The following LRRFIP2 variants were observed in gnomAD, a reference collection of about 807,000 sequenced individuals.
The protein encoded by LRRFIP2 is leucine-rich repeat flightless-interacting protein 2.
Under a neutral mutation model 125.9 loss-of-function variants are expected in LRRFIP2, and 109 were observed. The ratio of observed to expected loss-of-function variants is 0.87; its 90% CI spans 0.74 to 1.01. The LOEUF (loss-of-function observed/expected upper bound fraction) is 1.01. Ranked by LOEUF, LRRFIP2 falls within the 50% of genes least tolerant of loss-of-function variation. The pLI is 0.00. For synonymous variants in LRRFIP2, 291 were observed against 293.1 expected (o/e 0.99, Z 0.07); for missense variants, 850 against 862.3 (o/e 0.99, Z 0.18).
At position 37,098,877 on chromosome 3, in the gene LRRFIP2, A is replaced by G. The variant is rs535328468; in HGVS notation, c.874-2217T>C. Among the ~76,000 whole-genome samples, 5 of 152,332 alleles carry G rather than the reference A, an allele frequency of 3.3e-5. No homozygotes were observed. In the East Asian group the frequency reaches 9.6e-4, roughly 29 times the overall value. ...CAACTCTTTTCTGCTAATGTGTTAA[A>G]GAGAAAAGCACACAGCATTCAAAAT... is the stretch of plus-strand genomic sequence containing the variant. On this transcript the variant is annotated intron_variant, in intron 15 of 27. Coordinates refer to ENST00000336686, the MANE Select transcript of LRRFIP2 (RefSeq NM_006309.4).
intron 1 of LRRFIP2, among the ~76,000 whole-genome samples, chr3:37,169,787 A>G (rs2096560561): frequency 1.3e-5 from 2 of 152,218 alleles, no homozygotes; most frequent in Non-Finnish European, 2.9e-5. Flanking sequence ...AAGGAACACT[A>G]AGATATACAG....
rs534759752 is a variant in LRRFIP2, at chr3:37,076,727, G to A, written c.1279-1611C>T. Among the ~76,000 whole-genome samples the A allele has an allele frequency of 4.1e-3, 627 of 151,322 alleles. 3 individuals are homozygous for A. The highest frequency in any genetic ancestry group is 0.014 in the African/African-American group (569 of 41,250). The stretch of plus-strand genomic sequence containing the variant: ...ACTAAAAATACAAAATTAGTCAGGC[G>A]TGGTGGTGCATGCCTGTAATCCCAG... On this transcript the variant is annotated intron_variant, in intron 19 of 27. Coordinates refer to ENST00000336686, the MANE Select transcript of LRRFIP2 (RefSeq NM_006309.4).
At chr3:37,061,727 C>T (rs1022300969) in intron 24 of LRRFIP2, among the ~76,000 whole-genome samples, 1 of 152,110 alleles carries the variant, frequency 6.6e-6, no homozygotes, top group African/African-American at 2.4e-5. Context: ...TCAGGTATTC[C>T]TTTATAGCGA....
Position 37,053,856 on chromosome 3 carries a change from G to A in LRRFIP2, c.2161C>T (p.Gln721Ter). 6.2e-7 allele frequency: 1 copy of A among 1,612,504 alleles called. No homozygotes were observed. Residue 721 changes from glutamine to a stop codon, truncating the protein, a stop_gained, in exon 28 of 28, where the codon CAG (glutamine) becomes TAG (stop). Coordinates refer to ENST00000336686, the MANE Select transcript of LRRFIP2 (RefSeq NM_006309.4). LOFTEE classifies it high-confidence loss of function. ...KANRTALLAQ[Q>*] Reference sequence around the variant, plus strand: ...CAGGTTGAAGGGTGGTTTTCCTACTGCTGGGCCAGAAGTGCTGTCCTATTG... The same window carrying A: ...CAGGTTGAAGGGTGGTTTTCCTACTACTGGGCCAGAAGTGCTGTCCTATTG...
intron 1 of LRRFIP2, among the ~76,000 whole-genome samples, chr3:37,149,267 A>G (rs986480235): frequency 2.0e-5 from 3 of 152,196 alleles, no homozygotes; most frequent in Middle Eastern, 3.2e-3. Context: ...TAGCCTCAGA[A>G]AGCTGCCATC....
intron 23 of LRRFIP2, chr3:37,065,488 CT>C (rs1327985399): frequency 1.5e-5 from 7 of 481,606 alleles, no homozygotes; most frequent in Non-Finnish European, 2.9e-5. Flanking sequence ...TGCTAGCCTA[CT>C]GCTCCCCTAG....
At chr3:37,169,912 T>C (rs575061474) in intron 1 of LRRFIP2, among the ~76,000 whole-genome samples, 1 of 152,346 alleles carries the variant, frequency 6.6e-6, no homozygotes, top group East Asian at 1.9e-4. Context: ...CCCAGCTCTT[T>C]ACCACTTTCT....
In LRRFIP2 at chr3:37,053,859, G is replaced by A. The variant is rs377284992; in HGVS notation, c.2158C>T (p.Gln720Ter). 16 of 1,612,934 alleles carry A rather than the reference G, an allele frequency of 9.9e-6. No homozygotes were observed. Among genetic ancestry groups the A allele is most frequent in the East Asian group, 2.2e-5 (1 of 44,896 alleles). Residue 720 changes from glutamine to a stop codon, truncating the protein, a stop_gained, in exon 28 of 28, where the codon CAG becomes TAG. Transcript: ENST00000336686. LOFTEE classifies it high-confidence loss of function. ...MKANRTALLA[Q>*]Q ...GTTGAAGGGTGGTTTTCCTACTGCT[G>A]GGCCAGAAGTGCTGTCCTATTGGCC...
At chr3:37,150,564 A>C (rs980140541) in intron 1 of LRRFIP2, among the ~76,000 whole-genome samples, 1 of 152,192 alleles carries the variant, frequency 6.6e-6, no homozygotes, top group Non-Finnish European at 1.5e-5. Context: ...GGATTAAATA[A>C]TAAGGATGAA....
intron 6 of LRRFIP2, 37 bp from the exon 7 acceptor site, chr3:37,115,132 C>T (rs1189647797): frequency 1.4e-6 from 2 of 1,469,432 alleles, no homozygotes; most frequent in African/African-American, 1.4e-5. Context: ...GGTTTGTTTC[C>T]AAATTCAGAA....
intron 1 of LRRFIP2, among the ~76,000 whole-genome samples, chr3:37,162,859 T>G (rs916917945): frequency 2.0e-5 from 3 of 152,172 alleles, no homozygotes; most frequent in African/African-American, 7.2e-5. Flanking sequence ...TCATTGGAAT[T>G]TAGTTTGTCT....
At chr3:37,119,599 T>C (rs1303871884) in intron 6 of LRRFIP2, among the ~76,000 whole-genome samples, 1 of 152,238 alleles carries the variant, frequency 6.6e-6, no homozygotes, top group Non-Finnish European at 1.5e-5. Flanking sequence ...TTTCACAGCC[T>C]TTGAGACTTA....
chr3:37,144,558 A>G (rs138476191), intron 2 of LRRFIP2, among the ~76,000 whole-genome samples: 65 of 152,314 alleles, frequency 4.3e-4, no homozygotes, highest in South Asian at 1.7e-3. Flanking sequence ...TGGGCAACCT[A>G]GCAAGACCTC....
chr3:37,134,643 T>C (rs1472441760), intron 2 of LRRFIP2: 2 of 623,894 alleles, frequency 3.2e-6, no homozygotes, highest in Non-Finnish European at 6.2e-6. Context: ...AGGAGCCAGA[T>C]GACAAGCACA....
rs560100642 is a variant in LRRFIP2, at chr3:37,097,093, G to A, written c.874-433C>T. On this transcript the variant is annotated intron_variant, in intron 15 of 27. Coordinates refer to ENST00000336686, the MANE Select transcript of LRRFIP2 (RefSeq NM_006309.4). ...ACACAGATAAAGACTAGTACACTCA[G>A]CCAAAAAAGTTCAGATTAGATTAAA... Among the ~76,000 whole-genome samples, 59 of 151,346 alleles carry A rather than the reference G, an allele frequency of 3.9e-4. 1 individual carries two copies. In the Middle Eastern group the frequency reaches 0.024, roughly 62 times the overall value.
At chr3:37,122,030 T>A (rs2095072254) in intron 4 of LRRFIP2, among the ~76,000 whole-genome samples, 1 of 151,790 alleles carries the variant, frequency 6.6e-6, no homozygotes, top group African/African-American at 2.4e-5. Flanking sequence ...TAACTCATTA[T>A]TTACATTAGG....
At chr3:37,106,043 T>C (rs1187789800) in intron 13 of LRRFIP2, among the ~76,000 whole-genome samples, 1 of 152,092 alleles carries the variant, frequency 6.6e-6, no homozygotes, top group Non-Finnish European at 1.5e-5. Flanking sequence ...CCAGTCTGGG[T>C]GGCAGAGCAA....
intron 1 of LRRFIP2, among the ~76,000 whole-genome samples, chr3:37,153,326 C>T (rs1287024608): frequency 2.0e-5 from 3 of 151,974 alleles, no homozygotes; most frequent in East Asian, 3.9e-4. Context: ...GGGAGGTCAA[C>T]GCTGCAGTGA....
chr3:37,091,038 T>C (rs2093403582), intron 18 of LRRFIP2, among the ~76,000 whole-genome samples: 1 of 152,190 alleles, frequency 6.6e-6, no homozygotes, highest in South Asian at 2.1e-4. Flanking sequence ...TAATTTTGTA[T>C]GGCTAAGACA....
Sources: allele counts gnomAD v4.1 joint callset (sites outside exome capture counted in the v4.1 genomes callset), GRCh38; gene constraint gnomAD v4.1.1; transcripts MANE v1.5; gene names NCBI Gene and HGNC (gene_info 2026-07-23, HGNC 2026-07-21).